The following ETS1 variants were observed in gnomAD, a reference collection of about 807,000 sequenced individuals.
The protein encoded by ETS1 is protein C-ets-1.
ETS1 carries 15 observed loss-of-function variants against 58.6 expected under a neutral mutation model. The ratio of observed to expected loss-of-function variants is 0.26; its 90% confidence interval spans 0.17 to 0.39. ETS1 has a LOEUF of 0.39. Among genes scored for constraint, ETS1 ranks in the 10% least tolerant of loss-of-function variants. The pLI is 1.00. For synonymous variants in ETS1, 214 were observed against 218.2 expected (o/e 0.98, Z 0.17); for missense variants, 417 against 610.5 (o/e 0.68, Z 3.34).
intron 7 of ETS1, 57 bp from the exon 8 acceptor site, chr11:128,480,508 A>T: frequency 8.2e-7 from 1 of 1,220,154 alleles, no homozygotes; most frequent in South Asian, 1.3e-5. Flanking sequence ...TGGGAAAAAA[A>T]AAAAACTGTA....
chr11:128,551,307 A>T (rs535601579), intron 3 of ETS1, among the ~76,000 whole-genome samples: 36 of 152,290 alleles, frequency 2.4e-4, no homozygotes, highest in African/African-American at 6.5e-4. Context: ...CTGCTGAGAC[A>T]TCCCACCTGG....
At chr11:128,509,420 T>C (rs1863329994) in intron 3 of ETS1, among the ~76,000 whole-genome samples, 1 of 152,192 alleles carries the variant, frequency 6.6e-6, no homozygotes, top group Non-Finnish European at 1.5e-5. Flanking sequence ...TCTCACTTCA[T>C]TCCTCAATTG....
intron 8 of ETS1, among the ~76,000 whole-genome samples, chr11:128,468,683 C>T (rs1009624660): frequency 6.6e-6 from 1 of 152,152 alleles, no homozygotes; most frequent in Admixed American, 6.5e-5. Context: ...CAGGCAGTCT[C>T]CTCATATTTC....
chr11:128,529,906 T>C (rs1208742719), intron 3 of ETS1, among the ~76,000 whole-genome samples: 2 of 152,218 alleles, frequency 1.3e-5, no homozygotes. Flanking sequence ...TGCATAGCAC[T>C]TTTTAAGTTC....
At chr11:128,546,815 T>C (rs1424968785) in intron 3 of ETS1, among the ~76,000 whole-genome samples, 1 of 152,164 alleles carries the variant, frequency 6.6e-6, no homozygotes, top group African/African-American at 2.4e-5. Context: ...TTTTCTTCCC[T>C]ATATGACATA....
chr11:128,512,746 G>A (rs1030260108), intron 3 of ETS1, among the ~76,000 whole-genome samples: 1 of 152,254 alleles, frequency 6.6e-6, no homozygotes, highest in East Asian at 1.9e-4. Context: ...TGACTTACTG[G>A]GCCTGTCAGG....
At chr11:128,483,796 G>A (rs143553648) in intron 7 of ETS1, among the ~76,000 whole-genome samples, 163 of 152,298 alleles carry the variant, frequency 1.1e-3, no homozygotes, top group Middle Eastern at 3.4e-3. Context: ...AATAGGCACC[G>A]CATATGGTCA....
chr11:128,474,733 T>C (rs949165883), intron 8 of ETS1, among the ~76,000 whole-genome samples: 3 of 152,192 alleles, frequency 2.0e-5, no homozygotes, highest in African/African-American at 7.2e-5. Flanking sequence ...TCTCAGCTGC[T>C]GGCTGACAGG....
At chr11:128,581,882 A>G (rs1382569961) in intron 1 of ETS1, among the ~76,000 whole-genome samples, 1 of 152,184 alleles carries the variant, frequency 6.6e-6, no homozygotes, top group Non-Finnish European at 1.5e-5. Context: ...TACAAGAACA[A>G]TGAGAGGGGA....
At chr11:128,513,988 T>C (rs543509382) in intron 3 of ETS1, among the ~76,000 whole-genome samples, 62 of 152,294 alleles carry the variant, frequency 4.1e-4, no homozygotes, top group African/African-American at 1.3e-3. Flanking sequence ...ACAACTCTAA[T>C]TGCACACAAA....
At position 128,478,915 on chromosome 11, in the gene ETS1, AG is replaced by A. The variant is rs1862407264; in HGVS notation, c.1123+1275del. On this transcript the variant is annotated intron_variant, in intron 8 of 9. Transcript: ENST00000392668. Reference sequence around the variant, plus strand: ...TAGCCATGTTCAAGCAAAGACCACCAGGGTATTGTAGAAAGAATAAAGTAAG... The same window carrying A: ...TAGCCATGTTCAAGCAAAGACCACCAGGTATTGTAGAAAGAATAAAGTAAG... Among the ~76,000 whole-genome samples, 5 of 152,350 alleles carry A rather than the reference AG, an allele frequency of 3.3e-5. No individual in the cohort carries two copies. The South Asian group carries it at 6.2e-4, about 19-fold the overall frequency.
At chr11:128,522,184 T>G (rs1455426644) in intron 3 of ETS1, 3 of 1,252,642 alleles carry the variant, frequency 2.4e-6, no homozygotes, top group Non-Finnish European at 3.0e-6. Context: ...CCAGGGGAAG[T>G]TGGCACTTTG....
intron 3 of ETS1, among the ~76,000 whole-genome samples, chr11:128,525,619 G>GA (rs10554000): frequency 2.2e-3 from 163 of 75,792 alleles, no homozygotes; most frequent in Non-Finnish European, 2.8e-3. Flanking sequence ...GTAAGATTTA[G>GA]AAAAAAAAAA....
chr11:128,550,946 G>A (rs12272621), intron 3 of ETS1, among the ~76,000 whole-genome samples: 1,685 of 152,272 alleles, frequency 0.011, 28 homozygotes, highest in African/African-American at 0.038. Context: ...TGGACTCCCT[G>A]TAAGTCTTCT....
chr11:128,522,353 C>A (rs1863704883), intron 3 of ETS1: 3 of 1,012,108 alleles, frequency 3.0e-6, no homozygotes, highest in Non-Finnish European at 3.5e-6. Context: ...GCTCTCCCCT[C>A]CTCTTTAGGG....
intron 7 of ETS1, among the ~76,000 whole-genome samples, chr11:128,480,999 C>T (rs928153117): frequency 3.3e-5 from 5 of 152,272 alleles, no homozygotes; most frequent in Admixed American, 1.3e-4. Flanking sequence ...GAACTAAGTG[C>T]TATTTTTTAG....
chr11:128,538,501 G>A lies in ETS1; in HGVS notation c.214+17790C>T, dbSNP rs541567150. Among the ~76,000 whole-genome samples, 17 of 152,254 alleles carry A rather than the reference G, an allele frequency of 1.1e-4. No homozygotes were observed. The South Asian group carries it at 2.5e-3, about 22-fold the overall frequency. ...TGTTTCATACCAGGCTACAGAGTCA[G>A]GCTGACCTGAGCTCAAATCTGGGGT... On this transcript the variant is annotated intron_variant, in intron 3 of 9. Transcript: ENST00000392668.
In ETS1 at chr11:128,502,393, G is replaced by A. The variant is rs191311756; in HGVS notation, c.215-11817C>T. ...GCAATTAAGGCCTCTCTGTACAGAG[G>A]TTGCAGGAAGGTGGGAACGCCAAGG... On this transcript the variant is annotated intron_variant, in intron 3 of 9. Coordinates refer to ENST00000392668, the MANE Select transcript of ETS1 (RefSeq NM_001143820.2). Among the ~76,000 whole-genome samples, 224 of 152,332 alleles carry A rather than the reference G, an allele frequency of 1.5e-3. 1 individual carries two copies. Among genetic ancestry groups the A allele is most frequent in the African/African-American group, 5.2e-3 (215 of 41,576 alleles).
At position 128,482,606 on chromosome 11, in the gene ETS1, T is replaced by C. The variant is rs115807188; in HGVS notation, c.863-2155A>G. Among the ~76,000 whole-genome samples the C allele has an allele frequency of 7.8e-3, 1,184 of 152,074 alleles. 13 individuals are homozygous for C. Among genetic ancestry groups the C allele is most frequent in the African/African-American group, 0.027 (1,119 of 41,452 alleles). ...GAGGCAAATGCAACCCTGTTGAGAG[T>C]TGTGGTTTACAGCGGTAGGCAGCTT... On this transcript the variant is annotated intron_variant, in intron 7 of 9. Transcript: ENST00000392668.
Sources: allele counts gnomAD v4.1 joint callset (sites outside exome capture counted in the v4.1 genomes callset), GRCh38; gene constraint gnomAD v4.1.1; transcripts MANE v1.5; gene names NCBI Gene and HGNC (gene_info 2026-07-23, HGNC 2026-07-21).